Variants in MOB3B observed in about 807,000 individuals in gnomAD.
MOB3B encodes MOB kinase activator 3B.
Under a neutral mutation model 18.7 loss-of-function variants are expected in MOB3B, and 7 were observed. That is an observed-to-expected ratio of 0.37 (90% CI 0.21 to 0.70). The LOEUF is 0.70. Among genes scored for constraint, MOB3B ranks in the 30% least tolerant of loss-of-function variants. The probability of loss-of-function intolerance (pLI) is 0.52; values close to 1 mark genes in which losing one functional copy is unlikely to be tolerated. For missense variants in MOB3B, 253 were observed against 281.3 expected, an observed-to-expected ratio of 0.90 and a Z score of 0.72; for synonymous variants, 111 against 99.9, an observed-to-expected ratio of 1.11 and a Z score of -0.66.
At chr9:27,489,037 TC>T (rs1481165259) in intron 1 of MOB3B, among the ~76,000 whole-genome samples, 2 of 152,206 alleles carry the variant, frequency 1.3e-5, no homozygotes, top group Non-Finnish European at 2.9e-5. Context: ...TTTTAGATAA[TC>T]ATGGCTCCCA....
At chr9:27,499,274 C>T (rs1004012913) in intron 1 of MOB3B, among the ~76,000 whole-genome samples, 7 of 152,088 alleles carry the variant, frequency 4.6e-5, no homozygotes, top group Non-Finnish European at 8.8e-5. Flanking sequence ...ACAGAAAAGC[C>T]AGAGGATGAA....
At chr9:27,528,779 A>AG (rs149786190) in intron 1 of MOB3B, among the ~76,000 whole-genome samples, 2,266 of 151,294 alleles carry the variant, frequency 0.015, 57 homozygotes, top group African/African-American at 0.051. Context: ...AAAGAGCGCG[A>AG]GGGGGGGGAT....
intron 1 of MOB3B, among the ~76,000 whole-genome samples, chr9:27,464,052 G>A (rs1819337904): frequency 6.6e-6 from 1 of 152,196 alleles, no homozygotes; most frequent in Non-Finnish European, 1.5e-5. Flanking sequence ...GATATTGCCA[G>A]TGAAAGTGCT....
At chr9:27,511,809 T>C (rs1182661708) in intron 1 of MOB3B, among the ~76,000 whole-genome samples, 1 of 152,190 alleles carries the variant, frequency 6.6e-6, no homozygotes, top group Admixed American at 6.5e-5. Context: ...CCCAACCCCC[T>C]GATCTAACTT....
intron 2 of MOB3B, among the ~76,000 whole-genome samples, chr9:27,443,303 A>C (rs1587218006): frequency 6.6e-6 from 1 of 152,176 alleles, no homozygotes; most frequent in East Asian, 1.9e-4. Flanking sequence ...ACGTGCCACC[A>C]AATATACATC....
At chr9:27,373,545 C>G (rs186088245) in intron 2 of MOB3B, among the ~76,000 whole-genome samples, 1 of 152,270 alleles carries the variant, frequency 6.6e-6, no homozygotes, top group Non-Finnish European at 1.5e-5. Flanking sequence ...GGCTCATCCC[C>G]TCACCCTCTC....
chr9:27,527,361 G>A (rs1272027638), intron 1 of MOB3B, among the ~76,000 whole-genome samples: 13 of 142,076 alleles, frequency 9.2e-5, no homozygotes, highest in Admixed American at 8.8e-4. Context: ...CTTCAAAGAT[G>A]TTGCTTTTTT....
intron 2 of MOB3B, among the ~76,000 whole-genome samples, chr9:27,417,961 A>G (rs1175193465): frequency 6.6e-6 from 1 of 151,784 alleles, no homozygotes; most frequent in African/African-American, 2.4e-5. Flanking sequence ...GTGTGGTGGC[A>G]CACGCCTGTG....
At chr9:27,525,038 AT>A in intron 1 of MOB3B, 3 of 1,242,714 alleles carry the variant, frequency 2.4e-6, no homozygotes, top group Non-Finnish European at 3.3e-6. Flanking sequence ...CTTTTTAAGG[AT>A]TGTTGTGCTG....
At chr9:27,523,133 G>A (rs1446346239) in intron 1 of MOB3B, among the ~76,000 whole-genome samples, 5 of 151,466 alleles carry the variant, frequency 3.3e-5, no homozygotes, top group Non-Finnish European at 7.4e-5. Context: ...TTTTTTTCTT[G>A]AGAAGATATA....
chr9:27,516,913 A>G (rs1409188102), intron 1 of MOB3B, among the ~76,000 whole-genome samples: 4 of 152,158 alleles, frequency 2.6e-5, no homozygotes, highest in Admixed American at 2.0e-4. Flanking sequence ...TATCTCAGAC[A>G]ATTCAAAGCA....
chr9:27,402,513 G>C (rs1052261754), intron 2 of MOB3B, among the ~76,000 whole-genome samples: 3 of 152,128 alleles, frequency 2.0e-5, no homozygotes, highest in Non-Finnish European at 4.4e-5. Context: ...CTCATTGCCT[G>C]GTGTACAATA....
At chr9:27,383,758 G>A (rs10812580) in intron 2 of MOB3B, among the ~76,000 whole-genome samples, 8,246 of 152,232 alleles carry the variant, frequency 0.054, 380 homozygotes, top group Admixed American at 0.13. Flanking sequence ...CTAGCACACT[G>A]CATTGTTCAT....
At chr9:27,443,025 A>G (rs960806444) in intron 2 of MOB3B, among the ~76,000 whole-genome samples, 3 of 152,234 alleles carry the variant, frequency 2.0e-5, no homozygotes, top group Non-Finnish European at 4.4e-5. Context: ...CTCAAACTCT[A>G]GCTTGAATCA....
chr9:27,401,805 C>A (rs982298752), intron 2 of MOB3B, among the ~76,000 whole-genome samples: 6 of 152,210 alleles, frequency 3.9e-5, no homozygotes, highest in African/African-American at 1.4e-4. Flanking sequence ...GGCAAACATA[C>A]TGATCTGTCT....
chr9:27,488,050 A>G (rs1008240052), intron 1 of MOB3B, among the ~76,000 whole-genome samples: 1 of 152,206 alleles, frequency 6.6e-6, no homozygotes, highest in African/African-American at 2.4e-5. Context: ...GCTCCCCTTG[A>G]GTCAGGTGAC....
intron 2 of MOB3B, among the ~76,000 whole-genome samples, chr9:27,363,347 C>G (rs1400250704): frequency 6.6e-6 from 1 of 152,200 alleles, no homozygotes; most frequent in African/African-American, 2.4e-5. Flanking sequence ...TGGCTCACTG[C>G]AAGCTCCGCC....
In MOB3B at chr9:27,359,379, G is replaced by GGC. The variant is rs1554645305; in HGVS notation, c.419-144_419-143insGC. The GGC allele has an allele frequency of 1.6e-4, 30 of 183,900 alleles. No individual in the cohort carries two copies. In the South Asian group the frequency reaches 2.7e-3, roughly 16 times the overall value. 11.4% of individuals were successfully genotyped at this position (183,900 alleles called of 1,614,324 possible). A position where few individuals can be genotyped will look rare whatever the true frequency, so the allele number is the denominator to read the frequency against. Reference sequence around the variant, plus strand: ...GGAGTCATAGGGAGTGTGTGTGTGTGGGGGGGGGGGGTTGGTAGCAAACTA... The same window carrying GGC: ...GGAGTCATAGGGAGTGTGTGTGTGTGGCGGGGGGGGGGGTTGGTAGCAAACTA... On this transcript the variant is annotated intron_variant, in intron 2 of 3. Coordinates refer to ENST00000262244, the MANE Select transcript of MOB3B (RefSeq NM_024761.5).
At chr9:27,496,550 A>G (rs1819903274) in intron 1 of MOB3B, among the ~76,000 whole-genome samples, 1 of 152,194 alleles carries the variant, frequency 6.6e-6, no homozygotes, top group African/African-American at 2.4e-5. Context: ...CCTAAATATT[A>G]AAAAATATGG....
Sources: gnomAD v4.1 joint callset for allele counts (sites outside exome capture counted in the v4.1 genomes callset) on GRCh38, gnomAD v4.1.1 for gene constraint, MANE v1.5 for transcripts, NCBI Gene and HGNC (gene_info 2026-07-23, HGNC 2026-07-21) for gene names.